Variants in ALCAM observed in about 807,000 individuals in gnomAD.
ALCAM encodes activated leukocyte cell adhesion molecule.
Under a neutral mutation model 70.9 loss-of-function variants are expected in ALCAM, and 30 were observed. The observed-to-expected ratio is 0.42, with a 90% CI of 0.32 to 0.57. ALCAM has a LOEUF of 0.57. Ranked by LOEUF, ALCAM falls within the 20% of genes least tolerant of loss-of-function variation. The probability of loss-of-function intolerance (pLI) is 0.11; values close to 1 mark genes in which losing one functional copy is unlikely to be tolerated. For synonymous variants in ALCAM, 249 were observed against 242.5 expected (o/e 1.03, Z -0.25); for missense variants, 591 against 695.1 (o/e 0.85, Z 1.68).
chr3:105,532,144 A>T, intron 4 of ALCAM, 78 bp downstream of exon 4: 1 of 1,221,556 alleles, frequency 8.2e-7, no homozygotes, highest in South Asian at 1.3e-5. Flanking sequence ...TTCCAAGACA[A>T]GTAAGAAAGG....
At chr3:105,428,676 C>G (rs866065774) in intron 1 of ALCAM, among the ~76,000 whole-genome samples, 2 of 151,912 alleles carry the variant, frequency 1.3e-5, no homozygotes, top group South Asian at 2.1e-4. Flanking sequence ...AATAAGTTCA[C>G]TATTTGCCTC....
At chr3:105,430,018 TA>T (rs1251052607) in intron 1 of ALCAM, among the ~76,000 whole-genome samples, 2 of 152,022 alleles carry the variant, frequency 1.3e-5, no homozygotes, top group African/African-American at 4.8e-5. Flanking sequence ...TGCACAATTT[TA>T]AATCTATGCA....
At chr3:105,484,469 G>T (rs1291395302) in intron 1 of ALCAM, among the ~76,000 whole-genome samples, 1 of 151,970 alleles carries the variant, frequency 6.6e-6, no homozygotes, top group Non-Finnish European at 1.5e-5. Context: ...ATGACTGAAA[G>T]GTCAGTGAAT....
At chr3:105,547,306 A>G in intron 10 of ALCAM, 22 bp downstream of exon 10, 4 of 1,581,006 alleles carry the variant, frequency 2.5e-6, no homozygotes, top group Non-Finnish European at 3.4e-6. Flanking sequence ...CTTGGGCACT[A>G]ATTCAAATTG....
intron 3 of ALCAM, among the ~76,000 whole-genome samples, chr3:105,530,908 C>T (rs1381392055): frequency 3.3e-5 from 5 of 151,904 alleles, no homozygotes; most frequent in African/African-American, 1.2e-4. Flanking sequence ...GGTAACATGT[C>T]TAATAACTGA....
chr3:105,476,866 C>T (rs1375729283), intron 1 of ALCAM, among the ~76,000 whole-genome samples: 2 of 152,012 alleles, frequency 1.3e-5, no homozygotes, highest in Admixed American at 1.3e-4. Context: ...GTTGTATCTC[C>T]CAGAATTTCC....
At chr3:105,512,047 CAAT>C (rs1161855421) in intron 1 of ALCAM, among the ~76,000 whole-genome samples, 3 of 152,044 alleles carry the variant, frequency 2.0e-5, no homozygotes, top group African/African-American at 7.2e-5. Context: ...TCTGTGAAAA[CAAT>C]GATGATCTTA....
intron 1 of ALCAM, among the ~76,000 whole-genome samples, chr3:105,386,304 G>T (rs1935653212): frequency 6.6e-6 from 1 of 151,600 alleles, no homozygotes; most frequent in Non-Finnish European, 1.5e-5. Flanking sequence ...GTTAGAACAG[G>T]TGCTTCTACA....
intron 1 of ALCAM, among the ~76,000 whole-genome samples, chr3:105,400,687 C>T (rs922398986): frequency 3.3e-5 from 5 of 152,078 alleles, no homozygotes; most frequent in African/African-American, 9.7e-5. Flanking sequence ...GTGTAAGATT[C>T]CCTGAAGATG....
chr3:105,411,254 C>T (rs1345338730), intron 1 of ALCAM, among the ~76,000 whole-genome samples: 1 of 152,062 alleles, frequency 6.6e-6, no homozygotes, highest in Non-Finnish European at 1.5e-5. Context: ...CCCAGCTCAA[C>T]TGTGCAATTC....
intron 6 of ALCAM, among the ~76,000 whole-genome samples, chr3:105,538,761 G>C (rs575285943): frequency 1.3e-5 from 2 of 152,058 alleles, no homozygotes; most frequent in Non-Finnish European, 2.9e-5. Flanking sequence ...CAACCTCACC[G>C]GAAACTGCTG....
chr3:105,571,430 T>C (rs1403189006), intron 14 of ALCAM, among the ~76,000 whole-genome samples: 1 of 152,166 alleles, frequency 6.6e-6, no homozygotes, highest in African/African-American at 2.4e-5. Flanking sequence ...TTAGCTCAAC[T>C]GGGATACATG....
At chr3:105,417,648 CATT>C (rs1179642433) in intron 1 of ALCAM, among the ~76,000 whole-genome samples, 1 of 151,684 alleles carries the variant, frequency 6.6e-6, no homozygotes. Flanking sequence ...ATAGTCTCCT[CATT>C]ATTCTTGTAA....
intron 1 of ALCAM, among the ~76,000 whole-genome samples, chr3:105,416,185 A>G (rs1222248573): frequency 1.3e-5 from 2 of 152,072 alleles, no homozygotes; most frequent in Admixed American, 6.6e-5. Context: ...GACTCTCCTT[A>G]TCACTGTTTA....
At chr3:105,541,136 CT>C (rs1283908866) in intron 7 of ALCAM, among the ~76,000 whole-genome samples, 6 of 151,236 alleles carry the variant, frequency 4.0e-5, no homozygotes, top group South Asian at 4.2e-4. Flanking sequence ...TTGTCATTTT[CT>C]TTTTTTCTTC....
intron 1 of ALCAM, among the ~76,000 whole-genome samples, chr3:105,420,584 A>G (rs904590733): frequency 6.6e-6 from 1 of 151,648 alleles, no homozygotes; most frequent in Non-Finnish European, 1.5e-5. Flanking sequence ...AACTTTTGTC[A>G]TAATATCTTC....
At chr3:105,425,172 A>G (rs534854714) in intron 1 of ALCAM, among the ~76,000 whole-genome samples, 1 of 151,904 alleles carries the variant, frequency 6.6e-6, no homozygotes, top group Non-Finnish European at 1.5e-5. Context: ...CTTGTTTTGT[A>G]CTTCATTATT....
At chr3:105,445,611 T>A (rs116810974) in intron 1 of ALCAM, among the ~76,000 whole-genome samples, 2,334 of 152,276 alleles carry the variant, frequency 0.015, 25 homozygotes, top group Middle Eastern at 0.048. Context: ...TAAAACAGCA[T>A]GGTACTGGCA....
intron 1 of ALCAM, among the ~76,000 whole-genome samples, chr3:105,408,577 GA>G (rs1262335467): frequency 6.6e-6 from 1 of 152,032 alleles, no homozygotes; most frequent in African/African-American, 2.4e-5. Context: ...TTAAATCTAA[GA>G]CCTGAATCTA....
Sources: gnomAD v4.1 joint callset for allele counts (sites outside exome capture counted in the v4.1 genomes callset) on GRCh38, gnomAD v4.1.1 for gene constraint, MANE v1.5 for transcripts, NCBI Gene and HGNC (gene_info 2026-07-23, HGNC 2026-07-21) for gene names.